C9: variants seen among roughly 807,000 people sequenced by gnomAD.
The protein encoded by C9 is complement C9, also known as complement component C9.
C9 carries 63 observed loss-of-function variants against 65.4 expected under a neutral mutation model. That is an observed-to-expected ratio of 0.96 (90% confidence interval 0.79 to 1.19). The LOEUF is 1.19. Among genes scored for constraint, C9 ranks in the 50% most tolerant of loss-of-function variants. The pLI is 0.00. For missense variants in C9, 744 were observed against 670.1 expected (o/e 1.11, Z -1.22); for synonymous variants, 229 against 227.9 (o/e 1.00, Z -0.04).
intron 10 of C9, among the ~76,000 whole-genome samples, chr5:39,287,487 CAT>C (rs1217120353): frequency 6.6e-6 from 1 of 151,960 alleles, no homozygotes; most frequent in African/African-American, 2.4e-5. Context: ...TGCCTGCACA[CAT>C]ATGTTTACTG....
At chr5:39,294,619 G>A (rs559455786) in intron 9 of C9, among the ~76,000 whole-genome samples, 7 of 151,924 alleles carry the variant, frequency 4.6e-5, no homozygotes, top group African/African-American at 1.2e-4. Context: ...CTTCAATGTT[G>A]CATTCTACCA....
At chr5:39,335,098 G>C (rs989021829) in intron 4 of C9, among the ~76,000 whole-genome samples, 5 of 152,164 alleles carry the variant, frequency 3.3e-5, no homozygotes, top group African/African-American at 1.2e-4. Flanking sequence ...GACCTGGGTT[G>C]TTTCTTAAAC....
chr5:39,298,497 G>C (rs570807701), intron 9 of C9, among the ~76,000 whole-genome samples: 128 of 151,712 alleles, frequency 8.4e-4, no homozygotes, highest in African/African-American at 3.0e-3. Flanking sequence ...AGAATCTACA[G>C]ACATCAGCTG....
chr5:39,305,062 G>C (rs146312353), intron 9 of C9, among the ~76,000 whole-genome samples: 1 of 152,138 alleles, frequency 6.6e-6, no homozygotes, highest in African/African-American at 2.4e-5. Context: ...TGTTCACCTC[G>C]ATGTAAATAT....
chr5:39,304,381 T>C (rs185816330), intron 9 of C9, among the ~76,000 whole-genome samples: 1 of 152,284 alleles, frequency 6.6e-6, no homozygotes, highest in Admixed American at 6.5e-5. Context: ...TGTTTGAACA[T>C]GTCATCTGCA....
Position 39,341,603 on chromosome 5 carries a change from CA to C in C9, c.280del (p.Cys94ValfsTer20). Reference protein sequence around the residue: ...DRRQCVPTEPCEDAEDDCGND... With the variant: ...DRRQCVPTEPXEDAEDDCGND... ...TCCGCAGTCATCCTCAGCATCCTCA[CA>C]GGGCTCTGTGGGCACACACTGTCGT... On this transcript the variant is annotated frameshift_variant, in exon 3 of 11. Transcript: ENST00000263408. LOFTEE classifies it high-confidence loss of function. The C allele has an allele frequency of 1.2e-6, 2 of 1,614,108 alleles. No homozygotes were observed. Among genetic ancestry groups the C allele is most frequent in the Non-Finnish European group, 1.7e-6 (2 of 1,179,954 alleles).
Position 39,341,250 on chromosome 5 carries a change from G to C in C9, c.372C>G (p.Asp124Glu), listed in dbSNP as rs1754075057. 3.7e-6 allele frequency: 6 copies of C among 1,614,038 alleles called. No homozygotes were observed. The Admixed American group carries it at 1.0e-4, about 27-fold the overall frequency. The change falls in exon 4 of 11, where the codon GAC (aspartate) becomes GAG (glutamate). Residue 124 changes from aspartate to glutamate, a missense_variant. By Grantham distance (45) the Asp-to-Glu change is conservative. Transcript: ENST00000263408. ...CATCCTCATCTGAAAAGTCTCCGCA[G>C]TCATTGTCACCATTACACCGAAGTC... ...KMRLRCNGDNDCGDFSDEDDC... is the reference protein window; with the variant it reads ...KMRLRCNGDNECGDFSDEDDC...
At chr5:39,318,598 G>A (rs570980339) in intron 5 of C9, among the ~76,000 whole-genome samples, 50 of 147,346 alleles carry the variant, frequency 3.4e-4, no homozygotes, top group African/African-American at 1.2e-3. Context: ...TCAGGTTGTT[G>A]TCAGTGAGAG....
At chr5:39,320,082 T>C (rs1051692758) in intron 5 of C9, among the ~76,000 whole-genome samples, 1 of 152,160 alleles carries the variant, frequency 6.6e-6, no homozygotes, top group African/African-American at 2.4e-5. Flanking sequence ...AAGGCATAGA[T>C]ATGCATGGTC....
Position 39,315,775 on chromosome 5 carries a change from C to A in C9, c.870G>T (p.Lys290Asn), listed in dbSNP as rs1044402484. ...TCCTATATTAACTGTTTTGTCTTACCTTCTTTGAAGAATATGACAAAAATA... is the reference window on the plus strand; with the variant it reads ...TCCTATATTAACTGTTTTGTCTTACATTCTTTGAAGAATATGACAAAAATA... The part of the protein sequence containing the change: ...YQLFLSYSSK[K>N]EKMFLHVKGE... Residue 290 changes from lysine (K) to asparagine (N), a missense_variant and splice_region_variant, in exon 6 of 11, where the codon AAG becomes AAT. By Grantham distance (94) the Lys-to-Asn change is moderately conservative. Coordinates refer to ENST00000263408, the MANE Select transcript of C9 (RefSeq NM_001737.5). 1 of 1,593,472 alleles carries A rather than the reference C, an allele frequency of 6.3e-7. No individual in the cohort carries two copies. The highest frequency in any genetic ancestry group is 8.6e-7 in the Non-Finnish European group (1 of 1,162,434).
chr5:39,308,137 A>G, intron 8 of C9, 93 bp downstream of exon 8: 1 of 1,151,182 alleles, frequency 8.7e-7, no homozygotes, highest in South Asian at 1.2e-5. Context: ...CACAAAGAGG[A>G]CAGACAATTA....
In C9 at chr5:39,341,292, G is replaced by A. The variant is rs901550746; in HGVS notation, c.330C>T (p.Gly110=). Residue 110 remains glycine, a splice_region_variant and synonymous_variant, in exon 4 of 11, where the codon GGC becomes GGT. Transcript: ENST00000263408. ...DCGNDFQCST[G]RCIKMRLRCN... is the part of the protein sequence containing the mutation. ...ACCGAAGTCGCATCTTTATGCATCTGCCTGCAATCAAAATCAGGAGAGACT... is the reference window on the plus strand; with the variant it reads ...ACCGAAGTCGCATCTTTATGCATCTACCTGCAATCAAAATCAGGAGAGACT... 2 of 1,613,782 alleles carry A rather than the reference G, an allele frequency of 1.2e-6. No individual in the cohort carries two copies. The highest frequency in any genetic ancestry group is 2.7e-5 in the African/African-American group (2 of 74,894).
Position 39,284,769 on chromosome 5 carries a change from A to C in C9, c.*430T>G, listed in dbSNP as rs1257365126. ...GTATGCACACCTAAGCAAATAACCA[A>C]ACTAAACATAACAATGTAAATAAGA... On this transcript the variant is annotated 3_prime_UTR_variant, in exon 11 of 11. Transcript: ENST00000263408. The C allele has an allele frequency of 5.9e-6, 1 of 168,362 alleles. No individual in the cohort carries two copies. Among genetic ancestry groups the C allele is most frequent in the Admixed American group, 5.8e-5 (1 of 17,314 alleles). 10.4% of individuals were successfully genotyped at this position (168,362 alleles called of 1,614,324 possible).
At chr5:39,293,589 C>T (rs370676) in intron 9 of C9, among the ~76,000 whole-genome samples, 124,101 of 151,920 alleles carry the variant, frequency 0.82, 52,759 homozygotes, top group Non-Finnish European at 0.93. Context: ...TAAAGTGAAA[C>T]AACAAAATAA....
rs558768336 is a variant in C9 at position 39,284,935 on chromosome 5, G to T, written c.*264C>A. 60 of 433,864 alleles carry T rather than the reference G, an allele frequency of 1.4e-4. 1 individual carries two copies. The highest frequency in any genetic ancestry group is 1.1e-3 in the African/African-American group (56 of 49,372). 26.9% of individuals were successfully genotyped at this position (433,864 alleles called of 1,614,324 possible). Reference sequence around the variant, plus strand: ...ATTTTGTTTTTTTTTAGAAGAGATTGGCATTTTCCGTGGGATAAAGCAGTT... The same window carrying T: ...ATTTTGTTTTTTTTTAGAAGAGATTTGCATTTTCCGTGGGATAAAGCAGTT... On this transcript the variant is annotated 3_prime_UTR_variant, in exon 11 of 11. Coordinates refer to ENST00000263408, the MANE Select transcript of C9 (RefSeq NM_001737.5).
Position 39,331,793 on chromosome 5 carries a change from A to T in C9, c.498T>A (p.Asp166Glu), listed in dbSNP as rs2111929765. ...AGYGINILGM[D>E]PLSTPFDNEF... Reference sequence around the variant, plus strand: ...CATTGTCAAAAGGTGTGCTTAGGGGATCCATCCCTAAAATGTTGATCCTGA... The same window carrying T: ...CATTGTCAAAAGGTGTGCTTAGGGGTTCCATCCCTAAAATGTTGATCCTGA... Residue 166 changes from aspartate to glutamate, a missense_variant, in exon 5 of 11, where the codon GAT becomes GAA. Transcript: ENST00000263408. The T allele has an allele frequency of 1.2e-6, 2 of 1,613,134 alleles. No homozygotes were observed. The highest frequency in any genetic ancestry group is 2.2e-5 in the East Asian group (1 of 44,874).
rs1754354343 is a variant in C9, at chr5:39,353,218, GGCCCT to G, written c.78-11027_78-11023del. 2.6e-5 allele frequency among the ~76,000 whole-genome samples: 4 copies of G among 152,174 alleles called. No homozygotes were observed. In the South Asian group the frequency reaches 8.3e-4, roughly 32 times the overall value. ...CTTTAGAGCCTCCAGAAAGGAATCT[GGCCCT>G]GCCAACACCTTGATTTTAGCCTAGT... On this transcript the variant is annotated intron_variant, in intron 1 of 10. Coordinates refer to ENST00000263408, the MANE Select transcript of C9 (RefSeq NM_001737.5).
intron 6 of C9, among the ~76,000 whole-genome samples, chr5:39,312,237 T>C (rs1753497371): frequency 6.6e-6 from 1 of 152,198 alleles, no homozygotes; most frequent in African/African-American, 2.4e-5. Context: ...GCTACTCTAA[T>C]GTACATAATT....
At chr5:39,311,530 T>C (rs2111887895) in intron 6 of C9, among the ~76,000 whole-genome samples, 153 bp from the exon 7 acceptor site, 1 of 152,268 alleles carries the variant, frequency 6.6e-6, no homozygotes, top group Non-Finnish European at 1.5e-5. Flanking sequence ...AAATGTAAAA[T>C]ACTATCAACA....
Sources: allele counts gnomAD v4.1 joint callset (sites outside exome capture counted in the v4.1 genomes callset), GRCh38; gene constraint gnomAD v4.1.1; transcripts MANE v1.5; gene names NCBI Gene and HGNC (gene_info 2026-07-23, HGNC 2026-07-21).